The following MMACHC variants were observed in gnomAD, a reference collection of about 807,000 sequenced individuals.
MMACHC encodes the protein metabolism of cobalamin associated C.
A neutral mutation model predicts 17.6 loss-of-function variants in MMACHC; 14 were observed. The ratio of observed to expected loss-of-function variants is 0.80; its 90% CI spans 0.53 to 1.25. The LOEUF (loss-of-function observed/expected upper bound fraction) is 1.25. Ranked by LOEUF, MMACHC falls within the 50% of genes most tolerant of loss-of-function variation. The pLI is 0.00. For missense variants in MMACHC, 392 were observed against 364.5 expected (o/e 1.08, Z -0.62); for synonymous variants, 151 against 142.1 (o/e 1.06, Z -0.45).
chr1:45,507,004 T>C (rs939783882), intron 1 of MMACHC, among the ~76,000 whole-genome samples: 5 of 151,772 alleles, frequency 3.3e-5, no homozygotes, highest in Non-Finnish European at 5.9e-5. Flanking sequence ...CTGTCTCTAC[T>C]AAAAATACAA....
In MMACHC at chr1:45,509,065, AT is replaced by A. The variant is rs767339897; in HGVS notation, c.701del (p.Leu234TrpfsTer57). The A allele has an allele frequency of 5.6e-6, 9 of 1,613,574 alleles. No individual in the cohort carries two copies. Among genetic ancestry groups the A allele is most frequent in the Non-Finnish European group, 7.6e-6 (9 of 1,179,800 alleles). ...CTCCACCTGCCCAACGATTGGCCCT[AT>A]TGGGCTTGGCTCAGCCCTCAGAGAA... is the stretch of plus-strand genomic sequence containing the variant. ...STPPAQRLAL[L>X]GLAQPSEKPS... On this transcript the variant is annotated frameshift_variant, in exon 4 of 4. Transcript: ENST00000401061. LOFTEE classifies it low-confidence loss of function (END_TRUNC).
Position 45,510,452 on chromosome 1 carries a change from T to C in MMACHC, c.*1237T>C, listed in dbSNP as rs773098849. 2.0e-5 allele frequency: 3 copies of C among 152,130 alleles called. No individual in the cohort carries two copies. The highest frequency in any genetic ancestry group is 4.4e-5 in the Non-Finnish European group (3 of 68,070). The allele number at this position is 152,130 out of a possible 1,614,324, so 9.4% of individuals were successfully genotyped here. ...GGCGCTCACCTGTAATCCCACCATTTTGGGAGGCTGAGGCGGAGGACCGCC... is the reference window on the plus strand; with the variant it reads ...GGCGCTCACCTGTAATCCCACCATTCTGGGAGGCTGAGGCGGAGGACCGCC... On this transcript the variant is annotated 3_prime_UTR_variant, in exon 4 of 4. Transcript: ENST00000401061.
intron 1 of MMACHC, among the ~76,000 whole-genome samples, chr1:45,503,905 T>G (rs1643579261): frequency 6.6e-6 from 1 of 152,230 alleles, no homozygotes; most frequent in African/African-American, 2.4e-5. Flanking sequence ...AGCAAGTTCA[T>G]TGCAGGTTAT....
chr1:45,507,059 G>A (rs1322773173), intron 1 of MMACHC, among the ~76,000 whole-genome samples: 1 of 151,972 alleles, frequency 6.6e-6, no homozygotes, highest in African/African-American at 2.4e-5. Context: ...CCAGCTGCTC[G>A]GGAGGCTGAG....
chr1:45,505,376 A>T (rs1357748888), intron 1 of MMACHC, among the ~76,000 whole-genome samples: 2 of 152,090 alleles, frequency 1.3e-5, no homozygotes, highest in African/African-American at 4.8e-5. Context: ...TGAACCCGGG[A>T]GGTGGAGATT....
Position 45,509,929 on chromosome 1 carries a change from T to C in MMACHC, c.*714T>C, listed in dbSNP as rs1166750584. Reference sequence around the variant, plus strand: ...CCCGTCTCTACTAAAAATGCAAAGTTAGCCGGGCATGGTAGCGCAGGCCTG... The same window carrying C: ...CCCGTCTCTACTAAAAATGCAAAGTCAGCCGGGCATGGTAGCGCAGGCCTG... On this transcript the variant is annotated 3_prime_UTR_variant, in exon 4 of 4. Transcript: ENST00000401061. 2 of 151,826 alleles carry C rather than the reference T, an allele frequency of 1.3e-5. No individual in the cohort carries two copies. Among genetic ancestry groups the C allele is most frequent in the Admixed American group, 6.6e-5 (1 of 15,246 alleles). The allele number at this position is 151,826 out of a possible 1,614,324, so 9.4% of individuals were successfully genotyped here. A position where few individuals can be genotyped will look rare whatever the true frequency, so the allele number is the denominator to read the frequency against.
At chr1:45,502,432 C>A (rs957008428) in intron 1 of MMACHC, among the ~76,000 whole-genome samples, 7 of 152,118 alleles carry the variant, frequency 4.6e-5, no homozygotes, top group Non-Finnish European at 7.4e-5. Context: ...CACTCAGGGT[C>A]TCACTTTGTT....
chr1:45,506,780 C>A (rs1036619407), intron 1 of MMACHC, among the ~76,000 whole-genome samples: 2 of 151,912 alleles, frequency 1.3e-5, no homozygotes, highest in Non-Finnish European at 2.9e-5. Flanking sequence ...AGTCACCACA[C>A]CTGGCGGGGT....
intron 3 of MMACHC, among the ~76,000 whole-genome samples, 179 bp from the exon 4 acceptor site, chr1:45,508,617 A>G (rs765352946): frequency 2.0e-5 from 3 of 152,214 alleles, no homozygotes; most frequent in Non-Finnish European, 4.4e-5. Flanking sequence ...GAGACTAGGA[A>G]GCCCAGCCCT....
In MMACHC at chr1:45,511,439, T is replaced by A. The variant is rs1204632510; in HGVS notation, c.*2224T>A. On this transcript the variant is annotated 3_prime_UTR_variant, in exon 4 of 4. Transcript: ENST00000401061. Reference sequence around the variant, plus strand: ...ACTGCAAGAGAAAGGCACCACTAATTAATAACCTTCTCAATGGTATGCACC... The same window carrying A: ...ACTGCAAGAGAAAGGCACCACTAATAAATAACCTTCTCAATGGTATGCACC... The A allele has an allele frequency of 1.9e-6, 3 of 1,592,292 alleles. No homozygotes were observed. The highest frequency in any genetic ancestry group is 2.6e-6 in the Non-Finnish European group (3 of 1,162,996).
chr1:45,503,524 C>T (rs182654276), intron 1 of MMACHC, among the ~76,000 whole-genome samples: 51 of 148,774 alleles, frequency 3.4e-4, no homozygotes, highest in African/African-American at 1.2e-3. Context: ...CAACCTCTGG[C>T]TCCCAGGTTC....
At chr1:45,502,651 G>A (rs1482958479) in intron 1 of MMACHC, among the ~76,000 whole-genome samples, 1 of 151,742 alleles carries the variant, frequency 6.6e-6, no homozygotes, top group Non-Finnish European at 1.5e-5. Context: ...CCTGACAGTT[G>A]ACCAGTTGAC....
chr1:45,509,414 GA>G lies in MMACHC; in HGVS notation c.*200del. The G allele has an allele frequency of 7.3e-6, 2 of 275,814 alleles. No individual in the cohort carries two copies. The highest frequency in any genetic ancestry group is 4.7e-5 in the South Asian group (1 of 21,352). 17.1% of individuals were successfully genotyped at this position (275,814 alleles called of 1,614,324 possible). ...CCAGAATTCCCATCTGCCTTCAAATGAGTTTTTTTTTTTTTTTTAGACAGAG... is the reference window on the plus strand; with the variant it reads ...CCAGAATTCCCATCTGCCTTCAAATGGTTTTTTTTTTTTTTTTAGACAGAG... On this transcript the variant is annotated 3_prime_UTR_variant, in exon 4 of 4. Transcript: ENST00000401061.
At chr1:45,505,979 A>G (rs1172670379) in intron 1 of MMACHC, among the ~76,000 whole-genome samples, 1 of 152,034 alleles carries the variant, frequency 6.6e-6, no homozygotes, top group Non-Finnish European at 1.5e-5. Context: ...TGGAACTATG[A>G]TCTCGTCTTT....
rs1317870267 is a variant in MMACHC, at chr1:45,509,786, A to G, written c.*571A>G. ...AGGGCCTAAGGGGCAAATATCCTCT[A>G]AAGAGTACCTACCAGCAGGGTGTGG... On this transcript the variant is annotated 3_prime_UTR_variant, in exon 4 of 4. Coordinates refer to ENST00000401061, the MANE Select transcript of MMACHC (RefSeq NM_015506.3). 3.9e-5 allele frequency: 6 copies of G among 152,728 alleles called. No homozygotes were observed. The highest frequency in any genetic ancestry group is 8.7e-5 in the Non-Finnish European group (6 of 68,708). 9.5% of individuals were successfully genotyped at this position (152,728 alleles called of 1,614,324 possible).
chr1:45,508,670 A>G (rs991595957), intron 3 of MMACHC, 126 bp from the exon 4 acceptor site: 9 of 1,174,644 alleles, frequency 7.7e-6, no homozygotes, highest in Non-Finnish European at 1.1e-5. Flanking sequence ...TGCCAAGAAA[A>G]GGACAGAGGT....
rs757825500 is a variant in MMACHC at position 45,512,190 on chromosome 1, A to T, written c.*2975A>T. 2.9e-5 allele frequency: 4 copies of T among 136,932 alleles called. No individual in the cohort carries two copies. Among genetic ancestry groups the T allele is most frequent in the Non-Finnish European group, 6.0e-5 (4 of 66,174 alleles). The allele number at this position is 136,932 out of a possible 1,614,324, so 8.5% of individuals were successfully genotyped here. A position where few individuals can be genotyped will look rare whatever the true frequency, so the allele number is the denominator to read the frequency against. The stretch of plus-strand genomic sequence containing the variant: ...AACCTCGGTCTCCCGGGTTCAAGCG[A>T]TTCTCCTGCATCAGCCTCCCAAATA... On this transcript the variant is annotated 3_prime_UTR_variant, in exon 4 of 4. Transcript: ENST00000401061.
rs201801395 is a variant in MMACHC, at chr1:45,511,422, A to G, written c.*2207A>G. 6.2e-7 allele frequency: 1 copy of G among 1,610,682 alleles called. No individual in the cohort carries two copies. Among genetic ancestry groups the G allele is most frequent in the East Asian group, 2.2e-5 (1 of 44,804 alleles). Reference sequence around the variant, plus strand: ...TCCAGCCAGCTGGGCACACTGCAAGAGAAAGGCACCACTAATTAATAACCT... The same window carrying G: ...TCCAGCCAGCTGGGCACACTGCAAGGGAAAGGCACCACTAATTAATAACCT... On this transcript the variant is annotated 3_prime_UTR_variant, in exon 4 of 4. Transcript: ENST00000401061.
At chr1:45,506,323 G>A (rs979298498) in intron 1 of MMACHC, among the ~76,000 whole-genome samples, 21 of 152,074 alleles carry the variant, frequency 1.4e-4, no homozygotes, top group African/African-American at 5.1e-4. Context: ...AGAAATCTCC[G>A]ATCTTGTTTT....
Sources: allele counts gnomAD v4.1 joint callset (sites outside exome capture counted in the v4.1 genomes callset), GRCh38; gene constraint gnomAD v4.1.1; transcripts MANE v1.5; gene names NCBI Gene and HGNC (gene_info 2026-07-23, HGNC 2026-07-21).